The following SLC24A3 variants were observed in gnomAD, a reference collection of about 807,000 sequenced individuals.
SLC24A3 encodes the protein solute carrier family 24 member 3.
In SLC24A3, 28 loss-of-function variants were observed where a neutral mutation model predicts 75.8. The observed-to-expected ratio is 0.37, with a 90% CI of 0.27 to 0.51. SLC24A3 has a LOEUF of 0.51. Ranked by LOEUF, SLC24A3 falls within the 20% of genes least tolerant of loss-of-function variation. The probability of loss-of-function intolerance (pLI) is 0.94; values close to 1 mark genes in which losing one functional copy is unlikely to be tolerated. For synonymous variants in SLC24A3, 372 were observed against 334.1 expected (o/e 1.11, Z -1.24); for missense variants, 663 against 847.8 (o/e 0.78, Z 2.71).
chr20:19,251,445 A>G (rs1364231443), intron 1 of SLC24A3, among the ~76,000 whole-genome samples: 3 of 152,212 alleles, frequency 2.0e-5, no homozygotes, highest in Non-Finnish European at 4.4e-5. Context: ...ACACTCAGAC[A>G]AGGACTTGGG....
chr20:19,656,557 C>G (rs1042756800), intron 7 of SLC24A3, among the ~76,000 whole-genome samples: 1 of 152,226 alleles, frequency 6.6e-6, no homozygotes, highest in African/African-American at 2.4e-5. Context: ...TGCACAAACC[C>G]ACACTGACTG....
At chr20:19,702,594 C>T (rs2032886516) in intron 15 of SLC24A3, among the ~76,000 whole-genome samples, 1 of 148,938 alleles carries the variant, frequency 6.7e-6, no homozygotes, top group Non-Finnish European at 1.5e-5. Context: ...GTGTTTCCAT[C>T]CAAATGCTGC....
At chr20:19,295,235 G>A (rs976028941) in intron 2 of SLC24A3, among the ~76,000 whole-genome samples, 1 of 152,130 alleles carries the variant, frequency 6.6e-6, no homozygotes, top group Non-Finnish European at 1.5e-5. Flanking sequence ...TGCTGATGTT[G>A]CTTGTCAGCT....
chr20:19,517,269 C>T (rs986980129), intron 3 of SLC24A3, among the ~76,000 whole-genome samples: 4 of 152,166 alleles, frequency 2.6e-5, no homozygotes, highest in African/African-American at 9.6e-5. Context: ...GCTTTGACAT[C>T]TGAGATATGA....
chr20:19,459,623 C>G (rs979327662), intron 2 of SLC24A3, among the ~76,000 whole-genome samples: 1 of 152,140 alleles, frequency 6.6e-6, no homozygotes, highest in Non-Finnish European at 1.5e-5. Context: ...GGTTGTTCCT[C>G]CATCCAAATA....
chr20:19,658,564 A>G (rs1568687804), intron 7 of SLC24A3, among the ~76,000 whole-genome samples: 1 of 152,238 alleles, frequency 6.6e-6, no homozygotes, highest in Non-Finnish European at 1.5e-5. Context: ...TTATAATTTC[A>G]AAAACATAAA....
chr20:19,627,342 C>T (rs904334119), intron 6 of SLC24A3, among the ~76,000 whole-genome samples: 2 of 152,194 alleles, frequency 1.3e-5, no homozygotes, highest in Non-Finnish European at 2.9e-5. Context: ...TCTTCATTTT[C>T]TTGACTCTCC....
chr20:19,525,048 T>C (rs1247860210), intron 3 of SLC24A3, among the ~76,000 whole-genome samples: 2 of 152,226 alleles, frequency 1.3e-5, no homozygotes, highest in East Asian at 3.9e-4. Flanking sequence ...CAAGACCTGC[T>C]GCTTATCATG....
At chr20:19,253,562 G>A (rs912210011) in intron 1 of SLC24A3, among the ~76,000 whole-genome samples, 3 of 152,294 alleles carry the variant, frequency 2.0e-5, no homozygotes, top group Non-Finnish European at 2.9e-5. Flanking sequence ...TGTAGTATCC[G>A]CATCTGTACA....
intron 2 of SLC24A3, among the ~76,000 whole-genome samples, chr20:19,330,670 C>G (rs1372294396): frequency 6.6e-6 from 1 of 152,194 alleles, no homozygotes; most frequent in Non-Finnish European, 1.5e-5. Context: ...GAGTTGGAAA[C>G]TCATAATTTT....
At chr20:19,454,623 C>T (rs11907874) in intron 2 of SLC24A3, among the ~76,000 whole-genome samples, 2,913 of 152,198 alleles carry the variant, frequency 0.019, 99 homozygotes, top group African/African-American at 0.066. Context: ...AAAGTTAAGC[C>T]ATAAAGAACT....
intron 1 of SLC24A3, chr20:19,213,267 G>A (rs1233676393): frequency 2.4e-5 from 5 of 212,502 alleles, no homozygotes; most frequent in East Asian, 1.8e-4. Flanking sequence ...CGAGCTGGAG[G>A]TACTGCTGGT....
chr20:19,609,598 G>A, intron 6 of SLC24A3, among the ~76,000 whole-genome samples: 1 of 151,936 alleles, frequency 6.6e-6, no homozygotes, highest in South Asian at 2.1e-4. Context: ...CCCGGTGTGT[G>A]TTGTTCCCCT....
At chr20:19,234,963 A>C (rs1281074440) in intron 1 of SLC24A3, among the ~76,000 whole-genome samples, 1 of 152,210 alleles carries the variant, frequency 6.6e-6, no homozygotes, top group Non-Finnish European at 1.5e-5. Context: ...GTGACTGTGT[A>C]GAAGCTGTTG....
intron 2 of SLC24A3, among the ~76,000 whole-genome samples, chr20:19,464,039 C>T (rs1247298285): frequency 2.0e-5 from 3 of 152,208 alleles, no homozygotes; most frequent in Non-Finnish European, 2.9e-5. Flanking sequence ...TGCACTGCCA[C>T]CTAGGCCATT....
chr20:19,396,946 A>G (rs565877454), intron 2 of SLC24A3, among the ~76,000 whole-genome samples: 11 of 152,332 alleles, frequency 7.2e-5, no homozygotes, highest in African/African-American at 2.6e-4. Context: ...CAGGATATGT[A>G]CCCACGGCCT....
At chr20:19,328,372 A>G (rs1484580491) in intron 2 of SLC24A3, among the ~76,000 whole-genome samples, 1 of 152,158 alleles carries the variant, frequency 6.6e-6, no homozygotes, top group Non-Finnish European at 1.5e-5. Flanking sequence ...AGGATCAACC[A>G]GAATGTTGGA....
intron 2 of SLC24A3, among the ~76,000 whole-genome samples, chr20:19,478,418 A>G (rs1314339072): frequency 1.3e-5 from 2 of 152,176 alleles, no homozygotes; most frequent in Admixed American, 6.5e-5. Context: ...TATATTTGAC[A>G]TAGAGTATAT....
At chr20:19,423,202 C>T (rs1986946483) in intron 2 of SLC24A3, among the ~76,000 whole-genome samples, 1 of 152,112 alleles carries the variant, frequency 6.6e-6, no homozygotes, top group Non-Finnish European at 1.5e-5. Flanking sequence ...AGGGAATGTT[C>T]GATTTTCTCA....
Sources: gnomAD v4.1 joint callset for allele counts (sites outside exome capture counted in the v4.1 genomes callset) on GRCh38, gnomAD v4.1.1 for gene constraint, MANE v1.5 for transcripts, NCBI Gene and HGNC (gene_info 2026-07-23, HGNC 2026-07-21) for gene names.